Variants in UGT2B10 observed in about 807,000 individuals in gnomAD.
UGT2B10 encodes the protein UDP-glucuronosyltransferase 2B10.
UGT2B10 carries 51 observed loss-of-function variants against 43.7 expected under a neutral mutation model. That is an observed-to-expected ratio of 1.17 (90% CI 0.93 to 1.47). The LOEUF (loss-of-function observed/expected upper bound fraction) is 1.47. Among genes scored for constraint, UGT2B10 ranks in the 40% most tolerant of loss-of-function variants. The pLI is 0.00. For synonymous variants in UGT2B10, 225 were observed against 209.0 expected (o/e 1.08, Z -0.66); for missense variants, 696 against 617.7 (o/e 1.13, Z -1.34).
At chr4:68,828,493 G>A (rs1578274419) in intron 5 of UGT2B10, among the ~76,000 whole-genome samples, 1 of 151,472 alleles carries the variant, frequency 6.6e-6, no homozygotes, top group Non-Finnish European at 1.5e-5. Context: ...AAAGAAGATG[G>A]GAAATAATTG....
chr4:68,819,769 A>C (rs1362943547), intron 2 of UGT2B10, among the ~76,000 whole-genome samples: 1 of 152,026 alleles, frequency 6.6e-6, no homozygotes, highest in African/African-American at 2.4e-5. Flanking sequence ...CCTTAATTTC[A>C]ATACGAAAAA....
chr4:68,824,171 G>A (rs1229985727), intron 3 of UGT2B10, among the ~76,000 whole-genome samples: 3 of 152,224 alleles, frequency 2.0e-5, no homozygotes, highest in Non-Finnish European at 4.4e-5. Flanking sequence ...TGATGTTCAG[G>A]CTACTATTCA....
chr4:68,823,084 T>C (rs1166710183), intron 3 of UGT2B10, among the ~76,000 whole-genome samples: 1 of 152,162 alleles, frequency 6.6e-6, no homozygotes, highest in Non-Finnish European at 1.5e-5. Flanking sequence ...GTGGTCATTA[T>C]GCAGTATATA....
chr4:68,825,965 A>T (rs551353942), intron 3 of UGT2B10, among the ~76,000 whole-genome samples: 4 of 152,158 alleles, frequency 2.6e-5, no homozygotes, highest in East Asian at 1.9e-4. Flanking sequence ...AACAGAGTAT[A>T]AGCATTCCTT....
intron 2 of UGT2B10, among the ~76,000 whole-genome samples, chr4:68,820,020 A>G (rs1737413941): frequency 1.3e-5 from 2 of 152,008 alleles, no homozygotes; most frequent in Non-Finnish European, 2.9e-5. Flanking sequence ...TTCTTAAGAG[A>G]CAAAAGTTGA....
chr4:68,831,841 T>A lies in UGT2B10; in HGVS notation c.*962T>A, dbSNP rs7661590. Among the ~76,000 whole-genome samples, 3,082 of 152,184 alleles carry A rather than the reference T, an allele frequency of 0.02. 118 individuals carry two copies. Among genetic ancestry groups the A allele is most frequent in the African/African-American group, 0.07 (2,918 of 41,528 alleles). ...ACCTGCATGTCCTCTTTATTATTGA[T>A]CAATCCAACTGCAAAGTTCACCTTA... is the stretch of plus-strand genomic sequence containing the variant. On this transcript the variant is annotated 3_prime_UTR_variant, in exon 6 of 6. Transcript: ENST00000265403.
Position 68,816,450 on chromosome 4 carries a change from T to C in UGT2B10, c.431T>C (p.Phe144Ser). The C allele has an allele frequency of 6.2e-7, 1 of 1,613,194 alleles. No individual in the cohort carries two copies. Among genetic ancestry groups the C allele is most frequent in the Non-Finnish European group, 8.5e-7 (1 of 1,179,452 alleles). The change falls in exon 1 of 6, where the codon TTT becomes TCT. Residue 144 changes from phenylalanine to serine, a missense_variant. By Grantham distance (155) the Phe-to-Ser change is radical. Coordinates refer to ENST00000265403, the MANE Select transcript of UGT2B10 (RefSeq NM_001075.6). ...ATGAAAAAACTACAAGAGTCAAGATTTGACATCGTTTTTGCAGATGCTTAT... is the reference window on the plus strand; with the variant it reads ...ATGAAAAAACTACAAGAGTCAAGATCTGACATCGTTTTTGCAGATGCTTAT... ...KLMKKLQESR[F>S]DIVFADAYLP...
chr4:68,830,471 A>G (rs1738031503), intron 5 of UGT2B10, 129 bp from the exon 6 acceptor site: 1 of 1,194,974 alleles, frequency 8.4e-7, no homozygotes. Context: ...ATTAAAATAC[A>G]TAAATTCTAT....
rs1448112759 is a variant in UGT2B10 at position 68,816,323 on chromosome 4, G to C, written c.304G>C (p.Asp102His). 3.7e-6 allele frequency: 6 copies of C among 1,613,034 alleles called. No individual in the cohort carries two copies. Among genetic ancestry groups the C allele is most frequent in the Non-Finnish European group, 5.1e-6 (6 of 1,179,356 alleles). Residue 102 changes from aspartate to histidine, a missense_variant, in exon 1 of 6, where the codon GAT becomes CAT. Coordinates refer to ENST00000265403, the MANE Select transcript of UGT2B10 (RefSeq NM_001075.6). ...TAAGAGATTGTCAGAAATTCAAAAA[G>C]ATACATTTTGGTTACCTTTTTCACA... ...LVKRLSEIQK[D>H]TFWLPFSQEQ... is the part of the protein sequence containing the mutation.
intron 5 of UGT2B10, among the ~76,000 whole-genome samples, chr4:68,830,213 A>G (rs911659145): frequency 2.0e-5 from 3 of 152,096 alleles, no homozygotes; most frequent in Admixed American, 1.3e-4. Context: ...TAAGGAATGA[A>G]TATCTTATTT....
Position 68,825,279 on chromosome 4 carries a change from C to T in UGT2B10, c.1000-1131C>T, listed in dbSNP as rs1254097750. ...TTTATACCAGAATTACAATGACTCC[C>T]TATAATTTTTTATACTTTTTTTATA... On this transcript the variant is annotated intron_variant, in intron 3 of 5. Coordinates refer to ENST00000265403, the MANE Select transcript of UGT2B10 (RefSeq NM_001075.6). Among the ~76,000 whole-genome samples the T allele has an allele frequency of 4.0e-5, 6 of 151,398 alleles. No homozygotes were observed. The East Asian group carries it at 5.8e-4, about 15-fold the overall frequency.
At position 68,822,387 on chromosome 4, in the gene UGT2B10, C is replaced by A. The variant is rs1453955726; in HGVS notation, c.984C>A (p.Ala328=). ...CCAACGTAATTGCAACAGCCCTTGC[C>A]AAGATCCCACAAAAGGTAAGATAAA... ...ERANVIATAL[A]KIPQKVLWRF... The change falls in exon 3 of 6, where the codon GCC becomes GCA. Residue 328 remains alanine, a synonymous_variant. Transcript: ENST00000265403. 5.0e-6 allele frequency: 8 copies of A among 1,613,434 alleles called. No individual in the cohort carries two copies. Among genetic ancestry groups the A allele is most frequent in the Non-Finnish European group, 6.8e-6 (8 of 1,179,770 alleles).
rs1560413415 is a variant in UGT2B10, at chr4:68,816,722, T to C, written c.703T>C (p.Tyr235His). 1 of 1,599,258 alleles carries C rather than the reference T, an allele frequency of 6.3e-7. No homozygotes were observed. Reference protein sequence around the residue: ...IFNMKKWDQFYSEVLGRPTTL... With the variant: ...IFNMKKWDQFHSEVLGRPTTL... ...TAATATGAAGAAGTGGGATCAGTTT[T>C]ACAGTGAAGTTTTAGGTAAGATTTT... Residue 235 changes from tyrosine (Y) to histidine (H), a missense_variant, in exon 1 of 6, where the codon TAC (tyrosine) becomes CAC (histidine). Tyr to His is a moderately conservative substitution (Grantham distance 83, BLOSUM62 2). Coordinates refer to ENST00000265403, the MANE Select transcript of UGT2B10 (RefSeq NM_001075.6).
At chr4:68,829,734 G>A (rs751829697) in intron 5 of UGT2B10, among the ~76,000 whole-genome samples, 14 of 151,978 alleles carry the variant, frequency 9.2e-5, no homozygotes, top group Non-Finnish European at 1.8e-4. Context: ...AAAGTGCTAA[G>A]ATGAGAACAC....
Position 68,827,520 on chromosome 4 carries a change from G to C in UGT2B10, c.1279G>C (p.Ala427Pro), listed in dbSNP as rs765743216. 8.1e-6 allele frequency: 13 copies of C among 1,613,216 alleles called. No homozygotes were observed. Among genetic ancestry groups the C allele is most frequent in the African/African-American group, 2.7e-5 (2 of 74,860 alleles). Reference sequence around the variant, plus strand: ...AATGTCGAGTACAGACCTGCTGAATGCACTGAAGACAGTAATTAATGATCC... The same window carrying C: ...AATGTCGAGTACAGACCTGCTGAATCCACTGAAGACAGTAATTAATGATCC... Reference protein sequence around the residue: ...NTMSSTDLLNALKTVINDPSY... With the variant: ...NTMSSTDLLNPLKTVINDPSY... Residue 427 changes from alanine to proline, a missense_variant, in exon 5 of 6, where the codon GCA becomes CCA. Physicochemically the swap from Ala to Pro is conservative, Grantham distance 27. Transcript: ENST00000265403.
At chr4:68,827,617 G>A (rs1338945520) in intron 5 of UGT2B10, 69 bp downstream of exon 5, 49 of 1,582,808 alleles carry the variant, frequency 3.1e-5, no homozygotes, top group Non-Finnish European at 4.0e-5. Flanking sequence ...GTGAGCATGA[G>A]TTTCATCCTT....
In UGT2B10 at chr4:68,816,100, A is replaced by T. The variant is rs376957039; in HGVS notation, c.81A>T (p.Val27=). 1.1e-4 allele frequency: 180 copies of T among 1,613,120 alleles called. No individual in the cohort carries two copies. Among genetic ancestry groups the T allele is most frequent in the Non-Finnish European group, 1.5e-4 (173 of 1,179,416 alleles). ...FSSGSCGKVL[V]WAAEYSLWMN... is the part of the protein sequence containing the mutation. Reference sequence around the variant, plus strand: ...CTGGGAGTTGTGGAAAGGTGCTGGTATGGGCCGCAGAATACAGCCTTTGGA... The same window carrying T: ...CTGGGAGTTGTGGAAAGGTGCTGGTTTGGGCCGCAGAATACAGCCTTTGGA... The change falls in exon 1 of 6, where the codon GTA becomes GTT. Residue 27 remains valine, a synonymous_variant. Transcript: ENST00000265403.
At chr4:68,821,300 G>T (rs564290881) in intron 2 of UGT2B10, among the ~76,000 whole-genome samples, 1 of 152,232 alleles carries the variant, frequency 6.6e-6, no homozygotes, top group East Asian at 1.9e-4. Context: ...TTGCAGCCAA[G>T]CACATCTTCA....
intron 2 of UGT2B10, among the ~76,000 whole-genome samples, chr4:68,819,709 C>T (rs1224437140): frequency 6.6e-6 from 1 of 151,890 alleles, no homozygotes; most frequent in South Asian, 2.1e-4. Context: ...ATGAACAATG[C>T]ATGTATAATA....
Sources: gnomAD v4.1 joint callset for allele counts (sites outside exome capture counted in the v4.1 genomes callset) on GRCh38, gnomAD v4.1.1 for gene constraint, MANE v1.5 for transcripts, NCBI Gene and HGNC (gene_info 2026-07-23, HGNC 2026-07-21) for gene names.